Variants in IFRD1 observed in about 807,000 individuals in gnomAD.
The protein encoded by IFRD1 is interferon related developmental regulator 1.
In IFRD1, 35 loss-of-function variants were observed where a neutral mutation model predicts 52.9. That is an observed-to-expected ratio of 0.66 (90% CI 0.51 to 0.88). The LOEUF (loss-of-function observed/expected upper bound fraction) is 0.88. Ranked by LOEUF, IFRD1 falls within the 40% of genes least tolerant of loss-of-function variation. IFRD1 has a pLI of 0.00. For synonymous variants in IFRD1, 184 were observed against 188.4 expected (o/e 0.98, Z 0.19); for missense variants, 517 against 550.8 (o/e 0.94, Z 0.61).
At chr7:112,447,076 C>A (rs1186320250), upstream of IFRD1, among the ~76,000 whole-genome samples, 2 of 152,122 alleles carry the variant, frequency 1.3e-5, no homozygotes, top group East Asian at 3.8e-4. Context: ...CAAAGAAAAC[C>A]TTTCATGTTT....
chr7:112,435,453 AG>A (rs1195346880), intron 1 of IFRD1: 11 of 152,220 alleles, frequency 7.2e-5, no homozygotes, highest in African/African-American at 2.7e-4. Context: ...ATCATTAGCC[AG>A]GGGCTGTCTT....
chr7:112,447,877 T>C (rs577557106), upstream of IFRD1, among the ~76,000 whole-genome samples: 52 of 152,128 alleles, frequency 3.4e-4, no homozygotes, highest in Admixed American at 5.9e-4. Flanking sequence ...GAATTCATTA[T>C]ACTGAAGGCT....
Position 112,475,494 on chromosome 7 carries a change from G to A in IFRD1, c.1331G>A (p.Arg444Lys). ...GCTAGAAGCAAATGTCGAGATAAGA[G>A]AGCAGATGTTGGAGAATTCTTCTAG... is the stretch of plus-strand genomic sequence containing the variant. ...TKARSKCRDKRADVGEFF is the reference protein window; with the variant it reads ...TKARSKCRDKKADVGEFF The change falls in exon 12 of 12, where the codon AGA becomes AAA. Residue 444 changes from arginine (R) to lysine (K), a missense_variant. Physicochemically the swap from Arg to Lys is conservative, Grantham distance 26. Transcript: ENST00000403825. 1 of 1,608,090 alleles carries A rather than the reference G, an allele frequency of 6.2e-7. No homozygotes were observed. Among genetic ancestry groups the A allele is most frequent in the Non-Finnish European group, 8.5e-7 (1 of 1,175,138 alleles).
In IFRD1 at chr7:112,450,486, C is replaced by G. The variant is rs1795125365; in HGVS notation, c.-203C>G. On this transcript the variant is annotated 5_prime_UTR_variant, in exon 1 of 12. Coordinates refer to ENST00000403825, the MANE Select transcript of IFRD1 (RefSeq NM_001550.4). ...CCTTAGCTCCCGCGCTAGAGAGAAA[C>G]ATGTATCGTTTTCGATCACAGCTCT... The G allele has an allele frequency of 4.9e-6, 3 of 616,474 alleles. No homozygotes were observed. In the Admixed American group the frequency reaches 7.8e-5, roughly 16 times the overall value. 38.2% of individuals were successfully genotyped at this position (616,474 alleles called of 1,614,324 possible).
intron 5 of IFRD1, among the ~76,000 whole-genome samples, chr7:112,459,452 G>C (rs1336098798): frequency 2.6e-5 from 4 of 152,088 alleles, no homozygotes; most frequent in African/African-American, 9.7e-5. Flanking sequence ...ATGTTTTACT[G>C]TGTCACAGAA....
chr7:112,435,915 C>T (rs1421240337), intron 1 of IFRD1, among the ~76,000 whole-genome samples: 3 of 148,408 alleles, frequency 2.0e-5, no homozygotes, highest in Non-Finnish European at 4.4e-5. Context: ...CAGAGTCTTG[C>T]TCTGTTGCCC....
At position 112,462,178 on chromosome 7, in the gene IFRD1, A is replaced by T; in HGVS notation, c.796A>T (p.Met266Leu). Residue 266 changes from methionine (M) to leucine (L), a missense_variant and splice_region_variant, in exon 7 of 12, where the codon ATG becomes TTG. Coordinates refer to ENST00000403825, the MANE Select transcript of IFRD1 (RefSeq NM_001550.4). The stretch of plus-strand genomic sequence containing the variant: ...CAATGAAGTGAAGAAAAAGCTTGAG[A>T]TGTATGTATTTTTAGTTTCATATTT... ...PINEVKKKLEMHFHKLPSLLS... is the reference protein window; with the variant it reads ...PINEVKKKLELHFHKLPSLLS... 6.2e-7 allele frequency: 1 copy of T among 1,613,648 alleles called. No individual in the cohort carries two copies. Among genetic ancestry groups the T allele is most frequent in the Non-Finnish European group, 8.5e-7 (1 of 1,179,722 alleles).
chr7:112,464,054 A>ATTTTTTTTTTTTTTTTTTTT (rs1563269866), intron 8 of IFRD1, among the ~76,000 whole-genome samples: 1 of 136,888 alleles, frequency 7.3e-6, no homozygotes, highest in Non-Finnish European at 1.6e-5. Flanking sequence ...TTTTTTTTTT[A>ATTTTTTTTTTTTTTTTTTTT]AAATAAGCTT....
Position 112,450,524 on chromosome 7 carries a change from C to T in IFRD1, c.-165C>T. The T allele has an allele frequency of 1.5e-6, 1 of 656,326 alleles. No individual in the cohort carries two copies. Among genetic ancestry groups the T allele is most frequent in the Non-Finnish European group, 2.8e-6 (1 of 354,048 alleles). 40.7% of individuals were successfully genotyped at this position (656,326 alleles called of 1,614,324 possible). A position where few individuals can be genotyped will look rare whatever the true frequency, so the allele number is the denominator to read the frequency against. ...CGATCACAGCTCTTCACGGGGATTTCTGCTGCCGCCACCGCCCACTCTTAC... is the reference window on the plus strand; with the variant it reads ...CGATCACAGCTCTTCACGGGGATTTTTGCTGCCGCCACCGCCCACTCTTAC... On this transcript the variant is annotated 5_prime_UTR_variant, in exon 1 of 12. Transcript: ENST00000403825.
intron 1 of IFRD1, among the ~76,000 whole-genome samples, chr7:112,425,052 G>C (rs1316537698): frequency 2.0e-5 from 3 of 152,164 alleles, no homozygotes; most frequent in Non-Finnish European, 2.9e-5. Context: ...GCCCAGGCTG[G>C]AGTGCAGTGT....
chr7:112,456,409 C>G (rs1413343870), intron 3 of IFRD1, among the ~76,000 whole-genome samples: 1 of 152,112 alleles, frequency 6.6e-6, no homozygotes, highest in African/African-American at 2.4e-5. Flanking sequence ...AAAAGTTAAT[C>G]TTCAACTAGA....
At chr7:112,444,366 G>A (rs1469430543) in intron 1 of IFRD1, among the ~76,000 whole-genome samples, 4 of 152,154 alleles carry the variant, frequency 2.6e-5, no homozygotes, top group Admixed American at 1.3e-4. Context: ...TATATCTTAA[G>A]GCTTAAAGAG....
rs531439962 is a variant in IFRD1, at chr7:112,458,330, A to T, written c.410-531A>T. ...TGAGACCCTGTCTCAAAAAAAAAAA[A>T]AAATAAATAAAGTTAATAAATGTAT... On this transcript the variant is annotated intron_variant, in intron 4 of 11. Coordinates refer to ENST00000403825, the MANE Select transcript of IFRD1 (RefSeq NM_001550.4). The T allele has an allele frequency of 1.4e-3, 212 of 148,114 alleles. 1 individual carries two copies. The highest frequency in any genetic ancestry group is 8.8e-3 in the East Asian group (46 of 5,202). 9.2% of individuals were successfully genotyped at this position (148,114 alleles called of 1,614,324 possible).
At chr7:112,471,935 G>A (rs1795759367) in intron 9 of IFRD1, among the ~76,000 whole-genome samples, 1 of 151,962 alleles carries the variant, frequency 6.6e-6, no homozygotes, top group East Asian at 1.9e-4. Flanking sequence ...TTTTAAGTTT[G>A]TTGAGAGCTG....
upstream of IFRD1, chr7:112,446,322 G>A (rs746796288): frequency 3.7e-5 from 8 of 216,226 alleles, no homozygotes; most frequent in Non-Finnish European, 4.9e-5. Flanking sequence ...AGTATTTCAG[G>A]ACAGCCAGCT....
At chr7:112,424,256 G>A (rs1197986237) in intron 1 of IFRD1, among the ~76,000 whole-genome samples, 1 of 152,088 alleles carries the variant, frequency 6.6e-6, no homozygotes. Flanking sequence ...CTCTCCAGGT[G>A]GCAGAGAGTT....
Position 112,461,900 on chromosome 7 carries a change from C to A in IFRD1, c.602C>A (p.Ala201Asp). 6.2e-7 allele frequency: 1 copy of A among 1,605,394 alleles called. No homozygotes were observed. The highest frequency in any genetic ancestry group is 8.5e-7 in the Non-Finnish European group (1 of 1,173,398). ...TGCTTTGGTGTTTGCTGTTTTATTG[C>A]CACAGATGACATTACTGTAAGTAAA... ...ATCFGVCCFIATDDITELYST... is the reference protein window; with the variant it reads ...ATCFGVCCFIDTDDITELYST... Residue 201 changes from alanine (A) to aspartate (D), a missense_variant, in exon 6 of 12, where the codon GCC becomes GAC. Transcript: ENST00000403825.
chr7:112,430,120 C>T (rs980453039), intron 1 of IFRD1, among the ~76,000 whole-genome samples: 1 of 152,182 alleles, frequency 6.6e-6, no homozygotes, highest in African/African-American at 2.4e-5. Flanking sequence ...CTTGGAGCTG[C>T]CCACTCTCAT....
chr7:112,445,176 C>G (rs375722007), intron 1 of IFRD1, among the ~76,000 whole-genome samples: 7 of 151,220 alleles, frequency 4.6e-5, no homozygotes, highest in Admixed American at 3.3e-4. Flanking sequence ...ATGCCATTCT[C>G]CTGCCTCAGC....
Sources: allele counts gnomAD v4.1 joint callset (sites outside exome capture counted in the v4.1 genomes callset), GRCh38; gene constraint gnomAD v4.1.1; transcripts MANE v1.5; gene names NCBI Gene and HGNC (gene_info 2026-07-23, HGNC 2026-07-21).